The following CACNA1I variants were observed in gnomAD, a reference collection of about 807,000 sequenced individuals.
CACNA1I encodes calcium voltage-gated channel subunit alpha1 I, also known as voltage-dependent T-type calcium channel subunit alpha-1I.
In CACNA1I, 74 loss-of-function variants were observed where a neutral mutation model predicts 201.6. The observed-to-expected ratio is 0.37, with a 90% CI of 0.30 to 0.45. CACNA1I has a LOEUF of 0.45. Among genes scored for constraint, CACNA1I ranks in the 20% least tolerant of loss-of-function variants. The pLI, the probability that CACNA1I is intolerant of heterozygous loss-of-function variation, is 1.00. For missense variants in CACNA1I, 2,346 were observed against 3,138.1 expected (o/e 0.75, Z 6.03); for synonymous variants, 1,431 against 1,345.2 (o/e 1.06, Z -1.40).
At chr22:39,631,993 G>A (rs1233094060) in intron 4 of CACNA1I, among the ~76,000 whole-genome samples, 1 of 152,090 alleles carries the variant, frequency 6.6e-6, no homozygotes, top group East Asian at 1.9e-4. Context: ...AGTGCGCTGG[G>A]GCCCAGCTGG....
intron 4 of CACNA1I, among the ~76,000 whole-genome samples, chr22:39,625,623 C>T (rs1294753859): frequency 6.6e-6 from 1 of 152,166 alleles, no homozygotes; most frequent in Non-Finnish European, 1.5e-5. Flanking sequence ...TGTCTCTCCA[C>T]CCCACCCCTG....
chr22:39,668,056 A>G (rs577008825), intron 23 of CACNA1I, among the ~76,000 whole-genome samples: 39 of 152,330 alleles, frequency 2.6e-4, no homozygotes, highest in African/African-American at 9.4e-4. Flanking sequence ...ACCAAAACCC[A>G]GGACCGTGGG....
In CACNA1I at chr22:39,675,405, C is replaced by T. The variant is rs539143378; in HGVS notation, c.4854+1372C>T. 1.8e-4 allele frequency among the ~76,000 whole-genome samples: 27 copies of T among 152,264 alleles called. 2 individuals carry two copies. The South Asian group carries it at 4.8e-3, about 27-fold the overall frequency. On this transcript the variant is annotated intron_variant, in intron 29 of 36. Transcript: ENST00000402142. The stretch of plus-strand genomic sequence containing the variant: ...CCTTCCCCATGCTCTGACCCCTGGG[C>T]GGTTCTATCATGACTCCCAAATCCA...
At chr22:39,598,583 C>A (rs1461225891) in intron 2 of CACNA1I, among the ~76,000 whole-genome samples, 2 of 151,936 alleles carry the variant, frequency 1.3e-5, no homozygotes, top group Non-Finnish European at 2.9e-5. Context: ...TTCTCCTACC[C>A]GGGTGCCCCC....
At chr22:39,572,064 A>G (rs1430175176) in intron 1 of CACNA1I, among the ~76,000 whole-genome samples, 1 of 152,202 alleles carries the variant, frequency 6.6e-6, no homozygotes, top group African/African-American at 2.4e-5. Flanking sequence ...CCTGAGGGGC[A>G]GAGAGGAGTG....
intron 1 of CACNA1I, among the ~76,000 whole-genome samples, chr22:39,579,693 C>T (rs1486648057): frequency 1.3e-5 from 2 of 150,786 alleles, no homozygotes; most frequent in East Asian, 3.9e-4. Context: ...GTCACCCAGG[C>T]TGGAGTGCCA....
At chr22:39,594,013 A>C (rs1288966721) in intron 1 of CACNA1I, among the ~76,000 whole-genome samples, 2 of 152,180 alleles carry the variant, frequency 1.3e-5, no homozygotes, top group African/African-American at 2.4e-5. Context: ...CTGGGGAGAC[A>C]CACTGAAGAT....
intron 3 of CACNA1I, among the ~76,000 whole-genome samples, chr22:39,613,836 C>G (rs1048256423): frequency 3.8e-5 from 2 of 52,098 alleles, no homozygotes; most frequent in Middle Eastern, 0.012. Flanking sequence ...GGACATGGAT[C>G]CCTTCTTTTT....
intron 18 of CACNA1I, among the ~76,000 whole-genome samples, chr22:39,663,238 T>G (rs1353458176): frequency 2.0e-5 from 3 of 152,150 alleles, no homozygotes; most frequent in Non-Finnish European, 4.4e-5. Flanking sequence ...GGGCACCAGG[T>G]TGAACCATTC....
chr22:39,630,394 T>A (rs1248469252), intron 4 of CACNA1I, among the ~76,000 whole-genome samples: 1 of 152,238 alleles, frequency 6.6e-6, no homozygotes, highest in African/African-American at 2.4e-5. Flanking sequence ...GACAGGGAAC[T>A]CTGTTTTGGT....
chr22:39,652,307 C>A (rs951234893), intron 10 of CACNA1I, among the ~76,000 whole-genome samples: 1 of 152,202 alleles, frequency 6.6e-6, no homozygotes, highest in Admixed American at 6.5e-5. Context: ...GGTGGAGCCT[C>A]TTCTGGGAGC....
rs932726959 is a variant in CACNA1I, at chr22:39,676,904, T to C, written c.4855-437T>C. 1.3e-5 allele frequency among the ~76,000 whole-genome samples: 2 copies of C among 152,184 alleles called. No homozygotes were observed. Among genetic ancestry groups the C allele is most frequent in the Non-Finnish European group, 2.9e-5 (2 of 68,030 alleles). On this transcript the variant is annotated intron_variant, in intron 29 of 36. Coordinates refer to ENST00000402142, the MANE Select transcript of CACNA1I (RefSeq NM_021096.4). The surrounding 1 kb of genome is among the most constrained non-coding windows in gnomAD (Gnocchi z 4.8). ...TGGTAGCCACTCAAGGCGTGTAGCA[T>C]AGATTGTGTGCATGGACCCTGGGGC...
In CACNA1I at chr22:39,684,608, G is replaced by A. The variant is rs1395403833; in HGVS notation, c.6027+110G>A. ...GAGGGGAAGGACCCAACCAAAGGCC[G>A]AGGGCACCACCGTGCAAGGGGGTTT... On this transcript the variant is annotated intron_variant, in intron 36 of 36. Transcript: ENST00000402142. The surrounding 1 kb of genome is among the most constrained non-coding windows in gnomAD (Gnocchi z 4.6). 8.4e-6 allele frequency: 10 copies of A among 1,194,074 alleles called. No homozygotes were observed. Among genetic ancestry groups the A allele is most frequent in the Admixed American group, 4.0e-5 (2 of 49,694 alleles). 74.0% of individuals were successfully genotyped at this position (1,194,074 alleles called of 1,614,324 possible).
chr22:39,684,955 G>C lies in CACNA1I; in HGVS notation c.6027+457G>C. 1 of 291,758 alleles carries C rather than the reference G, an allele frequency of 3.4e-6. No individual in the cohort carries two copies. 18.1% of individuals were successfully genotyped at this position (291,758 alleles called of 1,614,324 possible). On this transcript the variant is annotated intron_variant, in intron 36 of 36. Transcript: ENST00000402142. This position sits in a 1 kb window ranked among gnomAD's most constrained non-coding sequence, Gnocchi z 4.6. ...TCGGGCTGCAGGGTCCCCCGTACTG[G>C]ATTGGCCAGGGCCACAGCCCTCCTA... is the stretch of plus-strand genomic sequence containing the variant.
chr22:39,604,772 T>C (rs1933162006), intron 3 of CACNA1I, among the ~76,000 whole-genome samples: 1 of 151,992 alleles, frequency 6.6e-6, no homozygotes, highest in Non-Finnish European at 1.5e-5. Flanking sequence ...TTTTAATTTT[T>C]TTGTAGAGAC....
rs1400259335 is a variant in CACNA1I, at chr22:39,659,175, C to T, written c.2330+59C>T. The T allele has an allele frequency of 6.3e-7, 1 of 1,592,164 alleles. No individual in the cohort carries two copies. The highest frequency in any genetic ancestry group is 8.5e-7 in the Non-Finnish European group (1 of 1,170,276). On this transcript the variant is annotated intron_variant, in intron 12 of 36. Coordinates refer to ENST00000402142, the MANE Select transcript of CACNA1I (RefSeq NM_021096.4). The surrounding 1 kb of genome is among the most constrained non-coding windows in gnomAD (Gnocchi z 4.3). The stretch of plus-strand genomic sequence containing the variant: ...ACCTGCTGGGGCTGTGGGCGGGAGC[C>T]TGGGGGATGTGGTCCACTGTGCTTC...
Position 39,686,059 on chromosome 22 carries a change from A to AGGGCCGCGGTGGCGC in CACNA1I, c.6331_6345dup (p.Arg2111_Gly2115dup). 8.1e-7 allele frequency: 1 copy of AGGGCCGCGGTGGCGC among 1,232,050 alleles called. No individual in the cohort carries two copies. Among genetic ancestry groups the AGGGCCGCGGTGGCGC allele is most frequent in the Non-Finnish European group, 1.0e-6 (1 of 990,946 alleles). 76.3% of individuals were successfully genotyped at this position (1,232,050 alleles called of 1,614,324 possible). On this transcript the variant is annotated inframe_insertion, in exon 37 of 37. Coordinates refer to ENST00000402142, the MANE Select transcript of CACNA1I (RefSeq NM_021096.4). ...GACTCCATGGACCCCTCGGACGAGG[A>AGGGCCGCGGTGGCGC]GGGCCGCGGTGGCGCGGGCGGCGGG...
rs2146428637 is a variant in CACNA1I, at chr22:39,648,061, C to T, written c.1567+135C>T. 1.3e-6 allele frequency: 1 copy of T among 754,878 alleles called. No homozygotes were observed. The highest frequency in any genetic ancestry group is 2.1e-6 in the Non-Finnish European group (1 of 466,164). 46.8% of individuals were successfully genotyped at this position (754,878 alleles called of 1,614,324 possible). On this transcript the variant is annotated intron_variant, in intron 9 of 36. Transcript: ENST00000402142. The surrounding 1 kb of genome is among the most constrained non-coding windows in gnomAD (Gnocchi z 5.4). ...CGACCCTCTGCAGGCCTGTCTCCCT[C>T]TATAAAGTGAGGACAGGGGCCCCCA...
At chr22:39,573,716 C>T (rs764859142) in intron 1 of CACNA1I, among the ~76,000 whole-genome samples, 1 of 152,184 alleles carries the variant, frequency 6.6e-6, no homozygotes, top group Non-Finnish European at 1.5e-5. Flanking sequence ...AAACAGAGTC[C>T]TTGGGGCCAC....
Sources: allele counts gnomAD v4.1 joint callset (sites outside exome capture counted in the v4.1 genomes callset), GRCh38; gene constraint gnomAD v4.1.1; non-coding constraint Gnocchi (gnomAD v3.1); transcripts MANE v1.5; gene names NCBI Gene and HGNC (gene_info 2026-07-23, HGNC 2026-07-21).